RALYL: variants seen among roughly 807,000 people sequenced by gnomAD.
The protein encoded by RALYL is RNA-binding Raly-like protein.
Under a neutral mutation model 35.1 loss-of-function variants are expected in RALYL, and 29 were observed. The observed-to-expected ratio is 0.83, with a 90% confidence interval of 0.61 to 1.13. RALYL has a LOEUF of 1.13. RALYL is among the 50% of genes most tolerant of loss of function. The pLI is 0.00. For missense variants in RALYL, 359 were observed against 360.4 expected (o/e 1.00, Z 0.03); for synonymous variants, 120 against 127.6 (o/e 0.94, Z 0.40).
chr8:84,789,461 G>A (rs1279966584), intron 3 of RALYL, among the ~76,000 whole-genome samples: 1 of 152,082 alleles, frequency 6.6e-6, no homozygotes, highest in Non-Finnish European at 1.5e-5. Context: ...ATGATTTGTT[G>A]AAGATTATCT....
chr8:84,816,032 C>CAAAAAAAAAA (rs5892931), intron 4 of RALYL, among the ~76,000 whole-genome samples: 8 of 84,194 alleles, frequency 9.5e-5, no homozygotes, highest in Admixed American at 1.4e-4. Flanking sequence ...GACTCTGTCT[C>CAAAAAAAAAA]AAAAAAAAAA....
chr8:84,855,736 C>G (rs1257581973), intron 5 of RALYL, among the ~76,000 whole-genome samples: 1 of 152,176 alleles, frequency 6.6e-6, no homozygotes, highest in Non-Finnish European at 1.5e-5. Flanking sequence ...GCAATGTTAG[C>G]TGTCTAAATC....
At chr8:84,635,843 C>T (rs1358578630) in intron 2 of RALYL, among the ~76,000 whole-genome samples, 1 of 151,676 alleles carries the variant, frequency 6.6e-6, no homozygotes, top group Non-Finnish European at 1.5e-5. Flanking sequence ...GGAAACTGAG[C>T]TCAGCTTTCT....
intron 4 of RALYL, among the ~76,000 whole-genome samples, chr8:84,839,744 C>T (rs369500757): frequency 2.5e-4 from 38 of 152,338 alleles, no homozygotes; most frequent in African/African-American, 8.9e-4. Flanking sequence ...ACACCTCACA[C>T]GGCCAGGTAC....
At chr8:84,278,269 C>T (rs1337259588) in intron 1 of RALYL, among the ~76,000 whole-genome samples, 1 of 152,224 alleles carries the variant, frequency 6.6e-6, no homozygotes, top group African/African-American at 2.4e-5. Context: ...TGTACATCGG[C>T]CCCTTTTAGC....
intron 1 of RALYL, among the ~76,000 whole-genome samples, chr8:84,376,744 C>T (rs1199195135): frequency 6.6e-6 from 1 of 151,974 alleles, no homozygotes; most frequent in East Asian, 1.9e-4. Context: ...TTCTTAATTT[C>T]TTCTACATTG....
chr8:84,620,908 G>C (rs1410207040), intron 2 of RALYL, among the ~76,000 whole-genome samples: 1 of 152,108 alleles, frequency 6.6e-6, no homozygotes, highest in Non-Finnish European at 1.5e-5. Flanking sequence ...GGCTGCTCGG[G>C]GGTCAGGGGA....
intron 2 of RALYL, among the ~76,000 whole-genome samples, chr8:84,723,472 C>T (rs1292963837): frequency 6.6e-6 from 1 of 151,912 alleles, no homozygotes; most frequent in Non-Finnish European, 1.5e-5. Flanking sequence ...TGATTCTATG[C>T]TCCAGTTTTT....
chr8:84,642,359 T>C (rs1826546568), intron 2 of RALYL, among the ~76,000 whole-genome samples: 1 of 149,850 alleles, frequency 6.7e-6, no homozygotes, highest in Admixed American at 6.6e-5. Context: ...TTTGTGGGGT[T>C]TTTTTAAACT....
chr8:84,508,668 T>A (rs1374186588), intron 1 of RALYL, among the ~76,000 whole-genome samples: 4 of 151,954 alleles, frequency 2.6e-5, no homozygotes, highest in East Asian at 1.9e-4. Flanking sequence ...TATATTTTTT[T>A]AAAAAAAGAT....
chr8:84,759,555 G>T (rs1433115164), intron 2 of RALYL, among the ~76,000 whole-genome samples: 1 of 152,178 alleles, frequency 6.6e-6, no homozygotes, highest in African/African-American at 2.4e-5. Context: ...TTACCTTAAA[G>T]TAGGAGAAAG....
At chr8:84,461,401 G>A (rs899887635) in intron 1 of RALYL, among the ~76,000 whole-genome samples, 13 of 151,596 alleles carry the variant, frequency 8.6e-5, no homozygotes, top group African/African-American at 3.1e-4. Context: ...AATATAGAAT[G>A]TCAGAAGGCC....
intron 7 of RALYL, among the ~76,000 whole-genome samples, chr8:84,883,454 A>G (rs1842479654): frequency 6.6e-6 from 1 of 152,068 alleles, no homozygotes; most frequent in South Asian, 2.1e-4. Context: ...CCTCACAGTC[A>G]TAGCAGAAAG....
intron 1 of RALYL, among the ~76,000 whole-genome samples, chr8:84,235,646 C>T (rs908053247): frequency 1.3e-5 from 2 of 152,114 alleles, no homozygotes; most frequent in African/African-American, 4.8e-5. Flanking sequence ...AACCTCAACA[C>T]AGCATTGGAT....
chr8:84,319,704 T>A (rs73306944), intron 1 of RALYL, among the ~76,000 whole-genome samples: 3,091 of 152,132 alleles, frequency 0.02, 114 homozygotes, highest in African/African-American at 0.07. Context: ...GATTCTTGAG[T>A]TATTGGTGCA....
At chr8:84,639,709 C>T (rs979507111) in intron 2 of RALYL, among the ~76,000 whole-genome samples, 2 of 151,854 alleles carry the variant, frequency 1.3e-5, no homozygotes. Context: ...GATACCTGCC[C>T]CTGGTCCATC....
intron 1 of RALYL, among the ~76,000 whole-genome samples, chr8:84,201,091 T>C (rs1816721153): frequency 6.6e-6 from 1 of 152,188 alleles, no homozygotes; most frequent in Admixed American, 6.6e-5. Context: ...GATAGTATCT[T>C]ATTCTCTATT....
intron 2 of RALYL, among the ~76,000 whole-genome samples, chr8:84,607,285 G>T (rs1197985136): frequency 6.6e-6 from 1 of 151,648 alleles, no homozygotes; most frequent in Non-Finnish European, 1.5e-5. Context: ...GACCCTCTCT[G>T]GCCAAAGTGC....
intron 1 of RALYL, among the ~76,000 whole-genome samples, chr8:84,436,543 GTTTTTTTTTTTTT>G (rs150233257): frequency 9.6e-5 from 6 of 62,396 alleles, no homozygotes; most frequent in African/African-American, 3.2e-4. Context: ...AATCATGGGA[GTTTTTTTTTTTTT>G]TTTTTTTTTT....
Sources: allele counts gnomAD v4.1 joint callset (sites outside exome capture counted in the v4.1 genomes callset), GRCh38; gene constraint gnomAD v4.1.1; transcripts MANE v1.5; gene names NCBI Gene and HGNC (gene_info 2026-07-23, HGNC 2026-07-21).